The following PIP5K1B variants were observed in gnomAD, a reference collection of about 807,000 sequenced individuals.
PIP5K1B encodes phosphatidylinositol-4-phosphate 5-kinase type 1 beta, also known as phosphatidylinositol 4-phosphate 5-kinase type-1 beta.
Under a neutral mutation model 67.0 loss-of-function variants are expected in PIP5K1B, and 42 were observed. That is an observed-to-expected ratio of 0.63 (90% CI 0.49 to 0.81). The LOEUF (loss-of-function observed/expected upper bound fraction) is 0.81. Among genes scored for constraint, PIP5K1B ranks in the 30% least tolerant of loss-of-function variants. The pLI, the probability that PIP5K1B is intolerant of heterozygous loss-of-function variation, is 0.00. For synonymous variants in PIP5K1B, 214 were observed against 231.4 expected, an observed-to-expected ratio of 0.92 and a Z score of 0.68; for missense variants, 459 against 646.3, an observed-to-expected ratio of 0.71 and a Z score of 3.14.
At chr9:68,825,353 C>T (rs1275075990) in intron 4 of PIP5K1B, among the ~76,000 whole-genome samples, 1 of 152,116 alleles carries the variant, frequency 6.6e-6, no homozygotes, top group East Asian at 1.9e-4. Flanking sequence ...AATTTTGCTC[C>T]CTGTTCACTC....
intron 5 of PIP5K1B, among the ~76,000 whole-genome samples, chr9:68,875,342 G>T (rs546541011): frequency 7.2e-6 from 1 of 138,278 alleles, no homozygotes; most frequent in South Asian, 2.3e-4. Flanking sequence ...ATCTGTAATC[G>T]TGCAGGAGGA....
At chr9:68,819,929 A>G (rs559962221) in intron 3 of PIP5K1B, among the ~76,000 whole-genome samples, 1 of 152,334 alleles carries the variant, frequency 6.6e-6, no homozygotes, top group South Asian at 2.1e-4. Flanking sequence ...TTTAAAAAAA[A>G]ATAGAAGTTT....
chr9:68,899,978 C>T (rs1045146938), intron 8 of PIP5K1B, among the ~76,000 whole-genome samples: 2 of 152,130 alleles, frequency 1.3e-5, no homozygotes, highest in South Asian at 4.2e-4. Flanking sequence ...TTCACATGTG[C>T]TCAATGTGCA....
At chr9:68,879,036 C>G (rs1004343471) in intron 6 of PIP5K1B, among the ~76,000 whole-genome samples, 16 of 151,946 alleles carry the variant, frequency 1.1e-4, no homozygotes, top group African/African-American at 3.1e-4. Context: ...AGAGATAGGT[C>G]CAGGCAACTC....
intron 14 of PIP5K1B, among the ~76,000 whole-genome samples, chr9:68,971,099 C>G (rs1829341516): frequency 2.6e-5 from 4 of 151,964 alleles, no homozygotes; most frequent in Admixed American, 2.6e-4. Context: ...TTTGCTGCAC[C>G]CCTCAACCCG....
intron 2 of PIP5K1B, among the ~76,000 whole-genome samples, chr9:68,746,076 CTTTTTT>C (rs11306038): frequency 9.3e-6 from 1 of 107,100 alleles, no homozygotes; most frequent in Non-Finnish European, 1.8e-5. Flanking sequence ...TGTGTTAACT[CTTTTTT>C]TTTTTTTTTT....
At chr9:68,827,988 C>T (rs1435883265) in intron 4 of PIP5K1B, among the ~76,000 whole-genome samples, 1 of 152,146 alleles carries the variant, frequency 6.6e-6, no homozygotes, top group East Asian at 1.9e-4. Flanking sequence ...CAGGGTGGTT[C>T]AGTGACATAT....
intron 14 of PIP5K1B, among the ~76,000 whole-genome samples, chr9:68,955,738 T>A (rs1483680692): frequency 6.6e-6 from 1 of 152,204 alleles, no homozygotes; most frequent in East Asian, 1.9e-4. Context: ...TATAGCACTT[T>A]TATAGTAATA....
chr9:68,883,065 G>C (rs992145268), intron 6 of PIP5K1B, among the ~76,000 whole-genome samples: 1 of 152,104 alleles, frequency 6.6e-6, no homozygotes, highest in African/African-American at 2.4e-5. Context: ...CTCTTTGCCA[G>C]GGTTTTCAAA....
intron 2 of PIP5K1B, among the ~76,000 whole-genome samples, chr9:68,788,046 A>G (rs2132485155): frequency 6.6e-6 from 1 of 152,318 alleles, no homozygotes; most frequent in South Asian, 2.1e-4. Flanking sequence ...ACCATGTTAA[A>G]AATAGTTACA....
chr9:68,737,811 G>A (rs1261195869), intron 1 of PIP5K1B, among the ~76,000 whole-genome samples: 1 of 152,204 alleles, frequency 6.6e-6, no homozygotes, highest in Non-Finnish European at 1.5e-5. Flanking sequence ...AGAAGAGATT[G>A]CATTGATCCT....
At chr9:68,861,077 A>C (rs1391869002) in intron 4 of PIP5K1B, among the ~76,000 whole-genome samples, 1 of 152,258 alleles carries the variant, frequency 6.6e-6, no homozygotes, top group African/African-American at 2.4e-5. Flanking sequence ...TTCATATATC[A>C]AGTGCCTGGC....
At chr9:68,706,164 A>T (rs1302517254) in intron 1 of PIP5K1B, 5 of 152,038 alleles carry the variant, frequency 3.3e-5, no homozygotes. Context: ...CTGGTATCTC[A>T]AGAGGGGCTT....
intron 2 of PIP5K1B, among the ~76,000 whole-genome samples, chr9:68,754,259 C>T (rs1587392647): frequency 7.0e-6 from 1 of 143,706 alleles, no homozygotes; most frequent in Non-Finnish European, 1.5e-5. Context: ...AAGCTCCACC[C>T]CCCGGGTTCA....
intron 14 of PIP5K1B, chr9:68,966,413 G>A (rs1181061692): frequency 6.6e-6 from 1 of 152,216 alleles, no homozygotes; most frequent in African/African-American, 2.4e-5. Flanking sequence ...TCAATGATAA[G>A]TCATGTTAAT....
intron 1 of PIP5K1B, among the ~76,000 whole-genome samples, chr9:68,706,637 A>C (rs1352491344): frequency 6.6e-6 from 1 of 152,150 alleles, no homozygotes; most frequent in Admixed American, 6.5e-5. Flanking sequence ...CGTGTTACAG[A>C]TCAGAAATAA....
chr9:68,923,102 G>A (rs1826494226), intron 11 of PIP5K1B, among the ~76,000 whole-genome samples, 200 bp from the exon 12 acceptor site: 1 of 152,128 alleles, frequency 6.6e-6, no homozygotes, highest in Admixed American at 6.5e-5. Context: ...TAGAATCTTT[G>A]TTCCGATTGA....
At chr9:68,850,705 T>C (rs1399279368) in intron 4 of PIP5K1B, among the ~76,000 whole-genome samples, 1 of 152,240 alleles carries the variant, frequency 6.6e-6, no homozygotes, top group Non-Finnish European at 1.5e-5. Context: ...TAAGATTGTG[T>C]CAAATTTTAT....
At chr9:69,000,046 A>G (rs1272864101) in intron 15 of PIP5K1B, among the ~76,000 whole-genome samples, 1 of 152,170 alleles carries the variant, frequency 6.6e-6, no homozygotes, top group African/African-American at 2.4e-5. Flanking sequence ...GGAGGCTACA[A>G]TTACAATGTG....
Sources: allele counts gnomAD v4.1 joint callset (sites outside exome capture counted in the v4.1 genomes callset), GRCh38; gene constraint gnomAD v4.1.1; transcripts MANE v1.5; gene names NCBI Gene and HGNC (gene_info 2026-07-23, HGNC 2026-07-21).